Variants in BTBD9 observed in about 807,000 individuals in gnomAD.
The protein encoded by BTBD9 is BTB/POZ domain-containing protein 9.
BTBD9 carries 49 observed loss-of-function variants against 64.3 expected under a neutral mutation model. The ratio of observed to expected loss-of-function variants is 0.76; its 90% CI spans 0.61 to 0.97. The LOEUF (loss-of-function observed/expected upper bound fraction) is 0.97. Among genes scored for constraint, BTBD9 ranks in the 50% least tolerant of loss-of-function variants. The pLI is 0.00. For synonymous variants in BTBD9, 260 were observed against 274.7 expected (o/e 0.95, Z 0.53); for missense variants, 598 against 762.1 (o/e 0.78, Z 2.53).
chr6:38,328,154 C>T (rs907145746), intron 7 of BTBD9, among the ~76,000 whole-genome samples: 16 of 152,098 alleles, frequency 1.1e-4, no homozygotes, highest in Admixed American at 4.6e-4. Flanking sequence ...GTAATAAAAA[C>T]CCAATAATCT....
At chr6:38,504,278 T>C (rs753025317) in intron 6 of BTBD9, among the ~76,000 whole-genome samples, 2 of 152,190 alleles carry the variant, frequency 1.3e-5, no homozygotes, top group Non-Finnish European at 1.5e-5. Context: ...CTTACTACAC[T>C]CCCGCTCCTA....
At chr6:38,322,618 C>G (rs555888455) in intron 7 of BTBD9, among the ~76,000 whole-genome samples, 1 of 152,340 alleles carries the variant, frequency 6.6e-6, no homozygotes, top group South Asian at 2.1e-4. Context: ...GTCTTACCCA[C>G]CCAGAGGCCA....
intron 6 of BTBD9, among the ~76,000 whole-genome samples, chr6:38,444,128 T>C (rs930507050): frequency 8.5e-5 from 13 of 152,192 alleles, no homozygotes; most frequent in African/African-American, 1.9e-4. Flanking sequence ...TCAGCTCTAA[T>C]AGCAAAGAGC....
intron 8 of BTBD9, among the ~76,000 whole-genome samples, chr6:38,278,649 T>G (rs1761384881): frequency 6.6e-6 from 1 of 152,222 alleles, no homozygotes; most frequent in Non-Finnish European, 1.5e-5. Flanking sequence ...TTTCTTCATC[T>G]TGTAAATGAA....
chr6:38,306,418 G>A (rs76717062), intron 7 of BTBD9, among the ~76,000 whole-genome samples: 1 of 152,194 alleles, frequency 6.6e-6, no homozygotes, highest in Non-Finnish European at 1.5e-5. Flanking sequence ...CGCCTGGACA[G>A]AAATTACTTT....
chr6:38,256,568 T>A (rs1423522070), intron 8 of BTBD9, 52 bp from the exon 9 acceptor site: 2 of 1,375,958 alleles, frequency 1.5e-6, no homozygotes, highest in South Asian at 2.4e-5. Flanking sequence ...ACTGGTTGTT[T>A]CTTTAGGTTG....
intron 6 of BTBD9, among the ~76,000 whole-genome samples, chr6:38,482,904 A>T (rs942439611): frequency 3.3e-5 from 5 of 152,120 alleles, no homozygotes; most frequent in African/African-American, 1.2e-4. Context: ...TCTATTCTAC[A>T]TACTCTGCCT....
intron 6 of BTBD9, among the ~76,000 whole-genome samples, chr6:38,480,733 T>C (rs752670098): frequency 2.0e-5 from 3 of 152,212 alleles, no homozygotes; most frequent in Non-Finnish European, 4.4e-5. Context: ...CTTGCCTGTC[T>C]TATTCCCCAC....
intron 6 of BTBD9, among the ~76,000 whole-genome samples, chr6:38,418,478 G>T (rs1767771297): frequency 6.6e-6 from 1 of 152,226 alleles, no homozygotes; most frequent in South Asian, 2.1e-4. Flanking sequence ...CAAGATGAGT[G>T]AGTGAGTGAG....
rs35699356 is a variant in BTBD9 at position 38,439,110 on chromosome 6, C to CTTTTTTTT, written c.1155-94025_1155-94018dup. 1.4e-3 allele frequency among the ~76,000 whole-genome samples: 91 copies of CTTTTTTTT among 64,048 alleles called. 2 individuals carry two copies. The highest frequency in any genetic ancestry group is 7.8e-3 in the East Asian group (12 of 1,534). The allele number at this position is 64,048 out of a possible 152,430, so 42.0% of individuals were successfully genotyped here. ...TCTTGTAGGCTCGTGTAGCAACTGA[C>CTTTTTTTT]TTTTTTTTTTTTTTTTTTTTTTTTG... On this transcript the variant is annotated intron_variant, in intron 6 of 10. Coordinates refer to ENST00000481247, the MANE Select transcript of BTBD9 (RefSeq NM_001099272.2).
At chr6:38,500,392 G>A (rs1427355765) in intron 6 of BTBD9, among the ~76,000 whole-genome samples, 13 of 152,084 alleles carry the variant, frequency 8.5e-5, no homozygotes, top group Non-Finnish European at 1.2e-4. Flanking sequence ...AAAAATTTAC[G>A]GCAGTAATTT....
At chr6:38,187,314 C>T (rs1405935965) in intron 10 of BTBD9, among the ~76,000 whole-genome samples, 1 of 152,172 alleles carries the variant, frequency 6.6e-6, no homozygotes, top group Non-Finnish European at 1.5e-5. Context: ...AACGACCACA[C>T]AGGAATGACC....
At chr6:38,459,815 T>C (rs960215345) in intron 6 of BTBD9, among the ~76,000 whole-genome samples, 4 of 152,222 alleles carry the variant, frequency 2.6e-5, no homozygotes, top group Admixed American at 2.6e-4. Context: ...GCAAGTATAA[T>C]TATTTGCAAA....
intron 6 of BTBD9, among the ~76,000 whole-genome samples, chr6:38,493,232 G>T (rs762798137): frequency 6.6e-6 from 1 of 152,246 alleles, no homozygotes. Flanking sequence ...ACTGTAATAG[G>T]TAGTTTTAAT....
chr6:38,339,415 C>A (rs1351184972), intron 7 of BTBD9, among the ~76,000 whole-genome samples: 1 of 151,858 alleles, frequency 6.6e-6, no homozygotes, highest in South Asian at 2.1e-4. Flanking sequence ...CAAGAGGATG[C>A]CTAGAGCCCA....
intron 7 of BTBD9, among the ~76,000 whole-genome samples, chr6:38,308,678 ACTG>A (rs1425664835): frequency 6.6e-6 from 1 of 152,040 alleles, no homozygotes; most frequent in Non-Finnish European, 1.5e-5. Context: ...ATCACGGCTC[ACTG>A]CAGCCTCGAC....
intron 9 of BTBD9, among the ~76,000 whole-genome samples, chr6:38,247,048 G>A (rs1487282883): frequency 2.6e-5 from 4 of 151,950 alleles, no homozygotes; most frequent in South Asian, 2.1e-4. Flanking sequence ...GTGACCTCCT[G>A]GAACCAACCC....
At chr6:38,190,533 C>A (rs1011069265) in intron 10 of BTBD9, among the ~76,000 whole-genome samples, 2 of 151,020 alleles carry the variant, frequency 1.3e-5, no homozygotes, top group African/African-American at 2.4e-5. Flanking sequence ...CTTTTTTTCC[C>A]CTGATCAATA....
At chr6:38,281,102 C>T (rs946932800) in intron 8 of BTBD9, among the ~76,000 whole-genome samples, 6 of 152,162 alleles carry the variant, frequency 3.9e-5, no homozygotes, top group Admixed American at 3.3e-4. Flanking sequence ...GCCCCAATTC[C>T]TCTACCCACC....
Sources: allele counts gnomAD v4.1 joint callset (sites outside exome capture counted in the v4.1 genomes callset), GRCh38; gene constraint gnomAD v4.1.1; transcripts MANE v1.5; gene names NCBI Gene and HGNC (gene_info 2026-07-23, HGNC 2026-07-21).